The following RBM19 variants were observed in gnomAD, a reference collection of about 807,000 sequenced individuals.
RBM19 encodes probable RNA-binding protein 19.
In RBM19, 94 loss-of-function variants were observed where a neutral mutation model predicts 116.8. That is an observed-to-expected ratio of 0.80 (90% CI 0.68 to 0.95). RBM19 has a LOEUF of 0.95. Among genes scored for constraint, RBM19 ranks in the 40% least tolerant of loss-of-function variants. RBM19 has a pLI of 0.00. For missense variants in RBM19, 1,161 were observed against 1,220.7 expected (o/e 0.95, Z 0.73); for synonymous variants, 475 against 494.1 (o/e 0.96, Z 0.51).
chr12:113,867,890 C>T lies in RBM19; in HGVS notation c.2559-8994G>A, dbSNP rs542070448. ...ATTACAGAGAGCCGAGATTGCACCA[C>T]TGCACTCTAGCCTGGTTGAGAGTGA... On this transcript the variant is annotated intron_variant, in intron 21 of 23. Transcript: ENST00000261741. Among the ~76,000 whole-genome samples the T allele has an allele frequency of 3.3e-5, 5 of 152,216 alleles. No individual in the cohort carries two copies. The South Asian group carries it at 1.0e-3, about 32-fold the overall frequency.
downstream of RBM19, among the ~76,000 whole-genome samples, chr12:113,819,272 C>T (rs969336429): frequency 1.3e-5 from 2 of 152,214 alleles, no homozygotes; most frequent in Non-Finnish European, 2.9e-5. Context: ...GTGCCTCTGG[C>T]TTTTCTGAGG....
In RBM19 at chr12:113,844,682, G is replaced by A. The variant is rs201572287; in HGVS notation, c.2771C>T (p.Ala924Val). The change falls in exon 23 of 24, where the codon GCC (alanine) becomes GTC (valine). Residue 924 changes from alanine to valine, a missense_variant. By Grantham distance (64) the Ala-to-Val change is moderately conservative. Coordinates refer to ENST00000261741, the MANE Select transcript of RBM19 (RefSeq NM_016196.4). ...CCCGCTCCTACCGTGAAAGTGAGCG[G>A]CCGTCTTCCGCCGCAGGGCCTGCAG... is the stretch of plus-strand genomic sequence containing the variant. ...VTLQALRRKT[A>V]AHFHEPPKKK... 66 of 1,610,350 alleles carry A rather than the reference G, an allele frequency of 4.1e-5. No individual in the cohort carries two copies. Among genetic ancestry groups the A allele is most frequent in the Non-Finnish European group, 4.2e-6 (5 of 1,178,716 alleles).
chr12:113,960,840 A>G (rs1445806459), intron 2 of RBM19, among the ~76,000 whole-genome samples: 1 of 152,194 alleles, frequency 6.6e-6, no homozygotes, highest in Non-Finnish European at 1.5e-5. Flanking sequence ...GGGACGGAAG[A>G]GTACTGGAGA....
chr12:113,847,014 A>C (rs1877042685), intron 22 of RBM19, among the ~76,000 whole-genome samples: 1 of 152,160 alleles, frequency 6.6e-6, no homozygotes, highest in Non-Finnish European at 1.5e-5. Flanking sequence ...TACCCAGCCC[A>C]TTTCTGTGGT....
chr12:113,866,284 GAA>G (rs2135755758), intron 21 of RBM19, among the ~76,000 whole-genome samples: 1 of 152,256 alleles, frequency 6.6e-6, no homozygotes, highest in East Asian at 1.9e-4. Context: ...CCTGGAGGCT[GAA>G]AAATGGCCTA....
intron 23 of RBM19, among the ~76,000 whole-genome samples, chr12:113,844,190 G>A (rs1400127743): frequency 6.6e-6 from 1 of 152,238 alleles, no homozygotes; most frequent in African/African-American, 2.4e-5. Flanking sequence ...CAGCCCTCCG[G>A]CAGGAAGTGG....
intron 23 of RBM19, among the ~76,000 whole-genome samples, chr12:113,828,264 C>T (rs909735473): frequency 3.9e-5 from 6 of 152,140 alleles, no homozygotes; most frequent in African/African-American, 1.4e-4. Context: ...CTGCACCTCT[C>T]GTTTCTCTTG....
intron 11 of RBM19, among the ~76,000 whole-genome samples, chr12:113,946,858 A>G (rs1871069822): frequency 1.3e-5 from 2 of 152,256 alleles, no homozygotes; most frequent in East Asian, 1.9e-4. Context: ...TGAATAAATC[A>G]ATGAATGAAT....
At chr12:113,935,851 T>C (rs1319193045) in intron 16 of RBM19, among the ~76,000 whole-genome samples, 1 of 152,076 alleles carries the variant, frequency 6.6e-6, no homozygotes, top group Non-Finnish European at 1.5e-5. Flanking sequence ...CTGGCCAATA[T>C]GGTGAAACCC....
At chr12:113,958,479 T>C (rs1057406078) in intron 5 of RBM19, among the ~76,000 whole-genome samples, 2 of 152,120 alleles carry the variant, frequency 1.3e-5, no homozygotes, top group African/African-American at 4.8e-5. Flanking sequence ...CCAACCCACA[T>C]TGAGCCCCTC....
At chr12:113,871,793 A>C (rs1879221522) in intron 21 of RBM19, among the ~76,000 whole-genome samples, 1 of 151,996 alleles carries the variant, frequency 6.6e-6, no homozygotes, top group African/African-American at 2.4e-5. Context: ...TAGAAAAGGC[A>C]CTGTGTCTCA....
chr12:113,839,399 A>T (rs1157006472), intron 23 of RBM19, among the ~76,000 whole-genome samples: 1 of 152,218 alleles, frequency 6.6e-6, no homozygotes, highest in East Asian at 1.9e-4. Flanking sequence ...TGACATCTCT[A>T]GCACGCCTGC....
chr12:113,872,530 G>A (rs1272620109), intron 21 of RBM19, among the ~76,000 whole-genome samples: 147 of 120,486 alleles, frequency 1.2e-3, no homozygotes, highest in Non-Finnish European at 1.9e-3. Flanking sequence ...TGGGGGTGTC[G>A]GCCCCCCGCC....
chr12:113,948,781 C>A, intron 10 of RBM19, 52 bp downstream of exon 10: 1 of 1,584,118 alleles, frequency 6.3e-7, no homozygotes, highest in Non-Finnish European at 8.6e-7. Flanking sequence ...AGAGTGAGAG[C>A]CCGGCTCCCA....
At position 113,945,810 on chromosome 12, in the gene RBM19, T is replaced by G. The variant is rs1040098694; in HGVS notation, c.1626+18A>C. On this transcript the variant is annotated intron_variant, in intron 13 of 23. Coordinates refer to ENST00000261741, the MANE Select transcript of RBM19 (RefSeq NM_016196.4). Reference sequence around the variant, plus strand: ...GTTTGGCCCAGATCCCAGAGAGGACTGGTCGGCCCTTACTCACGTGGTCAA... The same window carrying G: ...GTTTGGCCCAGATCCCAGAGAGGACGGGTCGGCCCTTACTCACGTGGTCAA... The G allele has an allele frequency of 2.7e-5, 41 of 1,522,876 alleles. No homozygotes were observed. The highest frequency in any genetic ancestry group is 3.6e-5 in the Non-Finnish European group (40 of 1,098,794). The allele number at this position is 1,522,876 out of a possible 1,614,324, so 94.3% of individuals were successfully genotyped here. A position where few individuals can be genotyped will look rare whatever the true frequency, so the allele number is the denominator to read the frequency against.
intron 21 of RBM19, among the ~76,000 whole-genome samples, chr12:113,912,200 C>T (rs955519905): frequency 6.6e-6 from 1 of 152,192 alleles, no homozygotes; most frequent in African/African-American, 2.4e-5. Flanking sequence ...CTCCAGCAGG[C>T]GGGGTAGCTT....
intron 11 of RBM19, 41 bp from the exon 12 acceptor site, chr12:113,946,516 C>G (rs1871040197): frequency 6.2e-7 from 1 of 1,612,454 alleles, no homozygotes; most frequent in Admixed American, 1.7e-5. Context: ...AGAAGCCTTG[C>G]CTGTAAGCCC....
At chr12:113,905,228 A>C (rs1452587755) in intron 21 of RBM19, among the ~76,000 whole-genome samples, 1 of 152,254 alleles carries the variant, frequency 6.6e-6, no homozygotes, top group Non-Finnish European at 1.5e-5. Flanking sequence ...CTTGGTAATT[A>C]ACACAGGTTG....
chr12:113,906,376 C>T (rs943100285), intron 21 of RBM19, among the ~76,000 whole-genome samples: 1 of 152,124 alleles, frequency 6.6e-6, no homozygotes, highest in Non-Finnish European at 1.5e-5. Flanking sequence ...ATATATGTTC[C>T]AGTTCCATTT....
Sources: gnomAD v4.1 joint callset for allele counts (sites outside exome capture counted in the v4.1 genomes callset) on GRCh38, gnomAD v4.1.1 for gene constraint, MANE v1.5 for transcripts, NCBI Gene and HGNC (gene_info 2026-07-23, HGNC 2026-07-21) for gene names.